Variants in MICAL2 observed in about 807,000 individuals in gnomAD.
MICAL2 encodes the protein microtubule associated monooxygenase, calponin and LIM domain containing 2.
MICAL2 carries 77 observed loss-of-function variants against 127.3 expected under a neutral mutation model. That is an observed-to-expected ratio of 0.60 (90% CI 0.50 to 0.73). MICAL2 has a LOEUF of 0.73. Among genes scored for constraint, MICAL2 ranks in the 30% least tolerant of loss-of-function variants. The pLI is 0.00. For synonymous variants in MICAL2, 570 were observed against 551.1 expected (o/e 1.03, Z -0.48); for missense variants, 1,351 against 1,434.4 (o/e 0.94, Z 0.94).
At chr11:12,276,005 G>A (rs1421074242), upstream of MICAL2, 1 of 399,296 alleles carries the variant, frequency 2.5e-6, no homozygotes, top group Admixed American at 4.4e-5. Flanking sequence ...CCTCCCCCAA[G>A]AGGCCGAAGA....
intron 25 of MICAL2, chr11:12,259,539 G>A (rs563795032): frequency 2.0e-5 from 8 of 395,174 alleles, no homozygotes; most frequent in Non-Finnish European, 3.6e-5. Context: ...TTATTTACTT[G>A]ATGTATATCA....
rs537506612 is a variant in MICAL2 at position 12,249,008 on chromosome 11, A to G, written c.2785-176A>G. On this transcript the variant is annotated intron_variant, in intron 21 of 27. Coordinates refer to ENST00000683283, the MANE Select transcript of MICAL2 (RefSeq NM_001282663.2). ...GAACCTCTCTGAGCATTAGTTTCTT[A>G]ACCTATAAAGTGGAGAGGACAGCAA... Among the ~76,000 whole-genome samples, 8 of 152,314 alleles carry G rather than the reference A, an allele frequency of 5.3e-5. No homozygotes were observed. In the South Asian group the frequency reaches 1.7e-3, roughly 32 times the overall value.
rs1009752703 is a variant in MICAL2 at position 12,349,907 on chromosome 11, T to C, written c.5585T>C (p.Leu1862Ser). 4 of 1,614,008 alleles carry C rather than the reference T, an allele frequency of 2.5e-6. No homozygotes were observed. The Admixed American group carries it at 5.0e-5, about 20-fold the overall frequency. Residue 1862 changes from leucine to serine, a missense_variant, in exon 33 of 35, where the codon TTA becomes TCA. Coordinates refer to the MICAL2 transcript ENST00000646065. ...AAGCTGGTTCTGGAGAAGAATAAAT[T>C]AATGCGATATGAGTCGGAGCTCCTA... is the stretch of plus-strand genomic sequence containing the variant.
chr11:12,324,886 C>A (rs1191482678), intron 31 of MICAL2, among the ~76,000 whole-genome samples: 3 of 152,206 alleles, frequency 2.0e-5, no homozygotes, highest in Non-Finnish European at 4.4e-5. Context: ...TGTCTACTTG[C>A]AACCTCTAAA....
downstream of MICAL2, among the ~76,000 whole-genome samples, chr11:12,360,370 C>G (rs542881765): frequency 6.6e-6 from 1 of 152,062 alleles, no homozygotes; most frequent in Non-Finnish European, 1.5e-5. Context: ...ATACAAATAA[C>G]CCAGATGTTT....
chr11:12,358,552 G>C, downstream of MICAL2: 3 of 1,421,674 alleles, frequency 2.1e-6, no homozygotes, highest in Non-Finnish European at 2.9e-6. Context: ...CACCCTCATG[G>C]GTCTTTCTGC....
At chr11:12,146,048 T>G (rs992386039) in intron 2 of MICAL2, among the ~76,000 whole-genome samples, 2 of 152,210 alleles carry the variant, frequency 1.3e-5, no homozygotes, top group African/African-American at 4.8e-5. Context: ...TCCTTACACC[T>G]TATACAAAAA....
chr11:12,335,772 A>G (rs959612793), intron 32 of MICAL2, among the ~76,000 whole-genome samples: 6 of 152,120 alleles, frequency 3.9e-5, no homozygotes, highest in African/African-American at 1.2e-4. Flanking sequence ...GTAGATATGC[A>G]GCATTATTTC....
chr11:12,215,908 T>C (rs1057488973), intron 7 of MICAL2, among the ~76,000 whole-genome samples: 1 of 152,216 alleles, frequency 6.6e-6, no homozygotes, highest in Admixed American at 6.5e-5. Context: ...TGAGCTTCTG[T>C]GGCCATGGCC....
chr11:12,191,523 G>A (rs1213550651), intron 3 of MICAL2, among the ~76,000 whole-genome samples: 3 of 151,860 alleles, frequency 2.0e-5, no homozygotes, highest in African/African-American at 4.8e-5. Flanking sequence ...CAGCAATTTG[G>A]GAGGCCAAGG....
At chr11:12,315,777 C>T (rs2134831323) in intron 29 of MICAL2, among the ~76,000 whole-genome samples, 1 of 152,260 alleles carries the variant, frequency 6.6e-6, no homozygotes, top group East Asian at 1.9e-4. Flanking sequence ...GTACAAGTCG[C>T]ATACTCTTAC....
At chr11:12,160,073 C>T (rs998954426) in intron 2 of MICAL2, among the ~76,000 whole-genome samples, 1 of 151,818 alleles carries the variant, frequency 6.6e-6, no homozygotes, top group Admixed American at 6.6e-5. Flanking sequence ...GCTAGTCTCC[C>T]TTCAAGCCAA....
intron 2 of MICAL2, among the ~76,000 whole-genome samples, chr11:12,148,385 G>C (rs747829181): frequency 2.0e-5 from 3 of 152,152 alleles, no homozygotes; most frequent in Non-Finnish European, 4.4e-5. Flanking sequence ...TGATGGGTGG[G>C]AGCCCGCTGA....
chr11:12,262,156 C>T (rs1863206447), intron 26 of MICAL2: 17 of 1,206,076 alleles, frequency 1.4e-5, no homozygotes, highest in South Asian at 3.9e-5. Context: ...GGTGGACCCC[C>T]GAGGATGAAT....
intron 3 of MICAL2, among the ~76,000 whole-genome samples, chr11:12,167,210 G>T (rs140974709): frequency 9.6e-4 from 145 of 151,344 alleles, no homozygotes; most frequent in African/African-American, 3.1e-3. Flanking sequence ...ATAAAAACTC[G>T]CAGGAAATGA....
chr11:12,323,325 CA>C (rs1864320972), intron 30 of MICAL2, among the ~76,000 whole-genome samples: 1 of 151,956 alleles, frequency 6.6e-6, no homozygotes, highest in Non-Finnish European at 1.5e-5. Context: ...TCCCTCAAGC[CA>C]AAAAACACTT....
chr11:12,242,258 G>A lies in MICAL2; in HGVS notation c.2382G>A (p.Lys794=), dbSNP rs771726461. The change falls in exon 19 of 28, where the codon AAG becomes AAA. Residue 794 remains lysine, a synonymous_variant. Transcript: ENST00000683283. ...CGGGGCACGTGCTCAGAGAGCTCAA[G>A]CAAGTGTCTGCTGGCAGTGAGTGCC... ...VVTGHVLREL[K]QVSAGSECLS... 1.1e-5 allele frequency: 17 copies of A among 1,613,634 alleles called. No individual in the cohort carries two copies. The South Asian group carries it at 1.5e-4, about 15-fold the overall frequency.
chr11:12,289,168 AGC>A (rs1367576506), downstream of MICAL2, among the ~76,000 whole-genome samples: 120 of 152,376 alleles, frequency 7.9e-4, no homozygotes, highest in African/African-American at 2.6e-3. Flanking sequence ...AGGTAGCACA[AGC>A]GCCTGACCCA....
chr11:12,345,216 G>C (rs572714537), intron 32 of MICAL2, among the ~76,000 whole-genome samples: 1 of 152,330 alleles, frequency 6.6e-6, no homozygotes, highest in African/African-American at 2.4e-5. Flanking sequence ...GAGAAGCTGT[G>C]AAAAACAAAT....
Sources: allele counts gnomAD v4.1 joint callset (sites outside exome capture counted in the v4.1 genomes callset), GRCh38; gene constraint gnomAD v4.1.1; transcripts MANE v1.5; gene names NCBI Gene and HGNC (gene_info 2026-07-23, HGNC 2026-07-21).